PDE8A: variants seen among roughly 807,000 people sequenced by gnomAD.
The protein encoded by PDE8A is phosphodiesterase 8A, also known as high affinity cAMP-specific and IBMX-insensitive 3',5'-cyclic phosphodiesterase 8A.
In PDE8A, 59 loss-of-function variants were observed where a neutral mutation model predicts 105.0. The ratio of observed to expected loss-of-function variants is 0.56; its 90% CI spans 0.46 to 0.70. The LOEUF (loss-of-function observed/expected upper bound fraction) is 0.70. Ranked by LOEUF, PDE8A falls within the 30% of genes least tolerant of loss-of-function variation. PDE8A has a pLI of 0.00. For synonymous variants in PDE8A, 355 were observed against 371.9 expected (o/e 0.95, Z 0.52); for missense variants, 1,014 against 1,045.9 (o/e 0.97, Z 0.42).
intron 18 of PDE8A, 41 bp downstream of exon 18, chr15:85,121,055 C>T (rs1404814851): frequency 9.6e-7 from 1 of 1,038,464 alleles, no homozygotes; most frequent in Non-Finnish European, 1.4e-6. Context: ...CCCTCTCTTT[C>T]TTTTTTAAAC....
chr15:85,012,542 C>A (rs1278476953), intron 1 of PDE8A, among the ~76,000 whole-genome samples: 2 of 66,188 alleles, frequency 3.0e-5, no homozygotes, highest in African/African-American at 6.4e-5. Flanking sequence ...ACTCTGGGGG[C>A]TGTTGTGGGT....
intron 16 of PDE8A, among the ~76,000 whole-genome samples, chr15:85,116,862 C>G (rs2082104758): frequency 6.6e-6 from 1 of 152,242 alleles, no homozygotes; most frequent in Non-Finnish European, 1.5e-5. Flanking sequence ...TATCTCCCAG[C>G]ACAGCCAAGG....
rs1043439102 is a variant in PDE8A, at chr15:84,983,478, A to C, written c.186+1130A>C. 8.5e-5 allele frequency among the ~76,000 whole-genome samples: 13 copies of C among 152,216 alleles called. No individual in the cohort carries two copies. In the East Asian group the frequency reaches 2.1e-3, roughly 25 times the overall value. ...TCGTCATGATACTTTTTCTGTACGA[A>C]AGGGGAAAGTCTTTTTCAGTGTTGC... On this transcript the variant is annotated intron_variant, in intron 1 of 21. Transcript: ENST00000394553.
chr15:85,023,095 TTCAG>T (rs2080455792), intron 1 of PDE8A, among the ~76,000 whole-genome samples: 2 of 152,192 alleles, frequency 1.3e-5, no homozygotes, highest in Non-Finnish European at 2.9e-5. Context: ...AGTACTGTTT[TTCAG>T]GTTATGAGTA....
At chr15:85,027,285 G>A (rs1390597176) in intron 1 of PDE8A, among the ~76,000 whole-genome samples, 1 of 152,138 alleles carries the variant, frequency 6.6e-6, no homozygotes, top group Non-Finnish European at 1.5e-5. Flanking sequence ...GCAAACAAAT[G>A]TGAAATGAAG....
At chr15:85,127,065 GCA>G (rs1441917974) in intron 20 of PDE8A, among the ~76,000 whole-genome samples, 1 of 152,082 alleles carries the variant, frequency 6.6e-6, no homozygotes, top group African/African-American at 2.4e-5. Flanking sequence ...GCATAGTGAT[GCA>G]CTCCTGTAGT....
At chr15:85,054,294 T>C (rs1273315289) in intron 1 of PDE8A, among the ~76,000 whole-genome samples, 1 of 152,192 alleles carries the variant, frequency 6.6e-6, no homozygotes, top group Non-Finnish European at 1.5e-5. Flanking sequence ...TTTTGTTGTG[T>C]CTCTGCCAGG....
chr15:85,079,741 C>T (rs1364175008), intron 5 of PDE8A, among the ~76,000 whole-genome samples: 3 of 152,128 alleles, frequency 2.0e-5, no homozygotes, highest in Non-Finnish European at 4.4e-5. Context: ...GGCGAAACCC[C>T]GTCTCTACTA....
intron 1 of PDE8A, among the ~76,000 whole-genome samples, chr15:85,012,358 C>G (rs1216661441): frequency 4.6e-5 from 7 of 152,178 alleles, no homozygotes; most frequent in African/African-American, 1.7e-4. Flanking sequence ...CCATGGAATA[C>G]TATGCAGCCA....
At chr15:85,113,585 GAAGA>G (rs2082050914) in intron 13 of PDE8A, 138 bp downstream of exon 13, 1 of 773,024 alleles carries the variant, frequency 1.3e-6, no homozygotes, top group South Asian at 1.5e-5. Flanking sequence ...AGCCTCCTCT[GAAGA>G]GAGAGGATGT....
chr15:85,127,410 G>T (rs902168502), intron 20 of PDE8A, among the ~76,000 whole-genome samples: 1 of 152,122 alleles, frequency 6.6e-6, no homozygotes. Flanking sequence ...ATGATTTTAT[G>T]CAGAAAATTC....
At chr15:85,108,566 C>T (rs1397295547) in intron 11 of PDE8A, among the ~76,000 whole-genome samples, 2 of 152,106 alleles carry the variant, frequency 1.3e-5, no homozygotes, top group Non-Finnish European at 2.9e-5. Flanking sequence ...GAAAGGGAGG[C>T]AGATGAGCTA....
chr15:85,070,444 A>T (rs151322026), intron 3 of PDE8A, among the ~76,000 whole-genome samples: 1 of 152,252 alleles, frequency 6.6e-6, no homozygotes, highest in East Asian at 1.9e-4. Flanking sequence ...AAAGTGAGTG[A>T]TTTCGGTATA....
chr15:84,996,993 C>T (rs898699974), intron 1 of PDE8A, among the ~76,000 whole-genome samples: 3 of 152,076 alleles, frequency 2.0e-5, no homozygotes, highest in African/African-American at 4.8e-5. Flanking sequence ...AAACACTGTA[C>T]ACTTAGGCTA....
intron 1 of PDE8A, among the ~76,000 whole-genome samples, chr15:85,014,924 C>G (rs2080299487): frequency 6.6e-6 from 1 of 152,174 alleles, no homozygotes; most frequent in Non-Finnish European, 1.5e-5. Context: ...CCATTGCCTC[C>G]TGCCCCTTTA....
intron 5 of PDE8A, among the ~76,000 whole-genome samples, chr15:85,083,118 G>A (rs908772523): frequency 6.6e-6 from 1 of 152,190 alleles, no homozygotes; most frequent in Non-Finnish European, 1.5e-5. Flanking sequence ...AGAAATGCAA[G>A]TATATTTTCG....
intron 16 of PDE8A, 46 bp downstream of exon 16, chr15:85,116,165 G>T: frequency 6.2e-7 from 1 of 1,600,328 alleles, no homozygotes; most frequent in Non-Finnish European, 8.6e-7. Context: ...GATTCCCAGG[G>T]CCTGTGTGAG....
In PDE8A at chr15:85,037,345, G is replaced by A. The variant is rs145097509; in HGVS notation, c.187-27025G>A. Among the ~76,000 whole-genome samples the A allele has an allele frequency of 8.0e-3, 1,215 of 152,282 alleles. 19 individuals are homozygous for A. Among genetic ancestry groups the A allele is most frequent in the African/African-American group, 0.028 (1,145 of 41,560 alleles). ...CTCCCGAAGTGCTGGGATTACAGGC[G>A]TGAGCCACAGCACCCAGCCTGATCA... On this transcript the variant is annotated intron_variant, in intron 1 of 21. Coordinates refer to ENST00000394553, the MANE Select transcript of PDE8A (RefSeq NM_002605.3).
intron 1 of PDE8A, among the ~76,000 whole-genome samples, chr15:84,983,333 A>C (rs1195537501): frequency 6.6e-6 from 1 of 152,240 alleles, no homozygotes; most frequent in East Asian, 1.9e-4. Flanking sequence ...CATCACGACC[A>C]GTTTTTGAAA....
Sources: allele counts gnomAD v4.1 joint callset (sites outside exome capture counted in the v4.1 genomes callset), GRCh38; gene constraint gnomAD v4.1.1; transcripts MANE v1.5; gene names NCBI Gene and HGNC (gene_info 2026-07-23, HGNC 2026-07-21).